Variants in MEIOB observed in about 807,000 individuals in gnomAD.
MEIOB encodes the protein meiosis-specific with OB domain-containing protein.
In MEIOB, 50 loss-of-function variants were observed where a neutral mutation model predicts 53.1. The ratio of observed to expected loss-of-function variants is 0.94; its 90% CI spans 0.75 to 1.19. The LOEUF (loss-of-function observed/expected upper bound fraction) is 1.19. MEIOB is among the 50% of genes most tolerant of loss of function. The pLI, the probability that MEIOB is intolerant of heterozygous loss-of-function variation, is 0.00. For synonymous variants in MEIOB, 192 were observed against 182.5 expected, an observed-to-expected ratio of 1.05 and a Z score of -0.42; for missense variants, 551 against 550.8, an observed-to-expected ratio of 1.00 and a Z score of 0.00.
At chr16:1,848,796 G>A (rs1899088956) in intron 9 of MEIOB, among the ~76,000 whole-genome samples, 1 of 151,844 alleles carries the variant, frequency 6.6e-6, no homozygotes, top group African/African-American at 2.4e-5. Context: ...CGCCCACCTC[G>A]GCCTCCCAAA....
At chr16:1,847,191 G>A (rs942665342) in intron 9 of MEIOB, among the ~76,000 whole-genome samples, 3 of 151,856 alleles carry the variant, frequency 2.0e-5, no homozygotes, top group African/African-American at 7.3e-5. Context: ...GCCGGGCGCT[G>A]TGGCTCACGC....
At chr16:1,852,798 C>T (rs771803130) in intron 9 of MEIOB, among the ~76,000 whole-genome samples, 11 of 151,252 alleles carry the variant, frequency 7.3e-5, no homozygotes, top group East Asian at 2.0e-4. Context: ...TCAGGTGATC[C>T]ACCTGCCTTG....
At chr16:1,847,183 C>T (rs1464458678) in intron 9 of MEIOB, among the ~76,000 whole-genome samples, 3 of 150,842 alleles carry the variant, frequency 2.0e-5, no homozygotes, top group East Asian at 2.0e-4. Flanking sequence ...ATTTTTGGGC[C>T]GGGCGCTGTG....
intron 11 of MEIOB, among the ~76,000 whole-genome samples, chr16:1,840,377 A>G (rs1291899396): frequency 2.6e-5 from 4 of 152,168 alleles, no homozygotes; most frequent in African/African-American, 9.7e-5. Context: ...CAAGTGTGAT[A>G]AAACTAATGA....
At chr16:1,858,255 A>G (rs448374) in intron 5 of MEIOB, among the ~76,000 whole-genome samples, 125,566 of 152,054 alleles carry the variant, frequency 0.83, 51,977 homozygotes, top group Middle Eastern at 0.9. Flanking sequence ...ATACAAACCC[A>G]AGGACTGGTT....
Position 1,853,072 on chromosome 16 carries a change from C to G in MEIOB, c.745G>C (p.Val249Leu), listed in dbSNP as rs1212058408. 1 of 1,612,258 alleles carries G rather than the reference C, an allele frequency of 6.2e-7. No homozygotes were observed. The highest frequency in any genetic ancestry group is 1.3e-5 in the African/African-American group (1 of 74,882). Residue 249 changes from valine to leucine, a missense_variant, in exon 9 of 14, where the codon GTA becomes CTA. By Grantham distance (32) the Val-to-Leu change is conservative. Transcript: ENST00000325962. The stretch of plus-strand genomic sequence containing the variant: ...GTTGTAATAATGGTTTTTGAGATTA[C>G]AGTTGCTGTCATGCAGTTCCGAAAT... The part of the protein sequence containing the change: ...DKFRNCMTAT[V>L]ISKTIITTNP...
intron 1 of MEIOB, among the ~76,000 whole-genome samples, chr16:1,869,989 A>G (rs535505947): frequency 2.7e-5 from 4 of 149,930 alleles, no homozygotes; most frequent in African/African-American, 9.8e-5. Context: ...CTCCTGCCTC[A>G]GCCTCCCGAG....
At chr16:1,861,961 G>T in intron 4 of MEIOB, 24 bp downstream of exon 4, 1 of 1,546,746 alleles carries the variant, frequency 6.5e-7, no homozygotes, top group Non-Finnish European at 8.7e-7. Context: ...GATGGAAAAA[G>T]TTTAAGAATC....
At chr16:1,850,712 A>G (rs1241086124) in intron 9 of MEIOB, among the ~76,000 whole-genome samples, 3 of 152,060 alleles carry the variant, frequency 2.0e-5, no homozygotes. Context: ...CACGGTCAGG[A>G]GATTGAGACC....
At chr16:1,842,805 G>T (rs772197707) in intron 10 of MEIOB, among the ~76,000 whole-genome samples, 1 of 150,120 alleles carries the variant, frequency 6.7e-6, no homozygotes, top group Non-Finnish European at 1.5e-5. Flanking sequence ...CTGGCACTAC[G>T]GGCGCCCGCC....
intron 12 of MEIOB, among the ~76,000 whole-genome samples, chr16:1,838,947 C>G (rs1369246797): frequency 1.3e-5 from 2 of 152,202 alleles, no homozygotes; most frequent in African/African-American, 4.8e-5. Context: ...CCTCCTTGGC[C>G]TCCCAAAGTG....
chr16:1,840,622 C>T (rs148507368), intron 11 of MEIOB, among the ~76,000 whole-genome samples: 83 of 151,638 alleles, frequency 5.5e-4, no homozygotes, highest in African/African-American at 1.9e-3. Flanking sequence ...AATCTCGGCT[C>T]GCTGCAAGCT....
intron 6 of MEIOB, among the ~76,000 whole-genome samples, chr16:1,854,858 A>C (rs1368523855): frequency 6.6e-6 from 1 of 151,890 alleles, no homozygotes; most frequent in Admixed American, 6.6e-5. Context: ...GAAGAGTTGA[A>C]ACTAGGACCC....
intron 4 of MEIOB, among the ~76,000 whole-genome samples, 194 bp from the exon 5 acceptor site, chr16:1,860,669 T>A (rs1295046534): frequency 2.0e-5 from 3 of 152,192 alleles, no homozygotes; most frequent in Non-Finnish European, 1.5e-5. Context: ...AATCTTTATC[T>A]CCATATGTAA....
At chr16:1,846,932 G>T (rs1413388325) in intron 9 of MEIOB, among the ~76,000 whole-genome samples, 1 of 147,726 alleles carries the variant, frequency 6.8e-6, no homozygotes, top group African/African-American at 2.5e-5. Context: ...TGAGGCGGGC[G>T]GATCACGAGG....
rs144406969 is a variant in MEIOB at position 1,845,676 on chromosome 16, TA to T, written c.779-714del. The stretch of plus-strand genomic sequence containing the variant: ...TTTATACGTATTTCTTTACTTATCA[TA>T]AAAAAAAGGTTTTCAAAAGGCAATT... On this transcript the variant is annotated intron_variant, in intron 9 of 13. Transcript: ENST00000325962. 3.7e-3 allele frequency among the ~76,000 whole-genome samples: 566 copies of T among 151,748 alleles called. 1 individual carries two copies. Among genetic ancestry groups the T allele is most frequent in the Middle Eastern group, 6.8e-3 (2 of 292 alleles).
intron 5 of MEIOB, among the ~76,000 whole-genome samples, chr16:1,860,035 G>T (rs1412178834): frequency 6.6e-6 from 1 of 152,192 alleles, no homozygotes; most frequent in African/African-American, 2.4e-5. Flanking sequence ...CTCCTCTCAA[G>T]CTCTGCTTCG....
chr16:1,834,655 T>G (rs62038399), intron 13 of MEIOB, among the ~76,000 whole-genome samples: 27,077 of 152,262 alleles, frequency 0.18, 2,574 homozygotes, highest in South Asian at 0.27. Context: ...GGCCGGGTGC[T>G]GGTGCAGTGG....
chr16:1,854,040 G>T, intron 7 of MEIOB, 60 bp downstream of exon 7: 2 of 938,646 alleles, frequency 2.1e-6, no homozygotes, highest in Non-Finnish European at 3.3e-6. Flanking sequence ...TTGATAAAAT[G>T]AAAATGTCCT....
Sources: allele counts gnomAD v4.1 joint callset (sites outside exome capture counted in the v4.1 genomes callset), GRCh38; gene constraint gnomAD v4.1.1; transcripts MANE v1.5; gene names NCBI Gene and HGNC (gene_info 2026-07-23, HGNC 2026-07-21).